ULK4: variants seen among roughly 807,000 people sequenced by gnomAD.
ULK4 encodes the protein unc-51 like kinase 4, also known as inactive serine/threonine-protein kinase ULK4.
A neutral mutation model predicts 160.6 loss-of-function variants in ULK4; 133 were observed. The ratio of observed to expected loss-of-function variants is 0.83; its 90% CI spans 0.72 to 0.96. The LOEUF (loss-of-function observed/expected upper bound fraction) is 0.96, where lower values mean the gene tolerates loss of function less well. ULK4 is among the 40% of genes least tolerant of loss of function. The probability of loss-of-function intolerance (pLI) is 0.00; values close to 1 mark genes in which losing one functional copy is unlikely to be tolerated. For missense variants in ULK4, 1,580 were observed against 1,499.5 expected (o/e 1.05, Z -0.89); for synonymous variants, 534 against 539.8 (o/e 0.99, Z 0.15).
chr3:41,732,830 T>C (rs971477234), intron 22 of ULK4, among the ~76,000 whole-genome samples: 1 of 152,114 alleles, frequency 6.6e-6, no homozygotes, highest in Non-Finnish European at 1.5e-5. Flanking sequence ...ATAACATGAA[T>C]AGAACTGGAG....
chr3:41,539,193 T>A (rs1056184913), intron 32 of ULK4, among the ~76,000 whole-genome samples: 5 of 152,096 alleles, frequency 3.3e-5, no homozygotes, highest in Middle Eastern at 3.2e-3. Context: ...AAGGGTCAAC[T>A]GTATTTTAAG....
At chr3:41,526,361 G>T (rs548982538) in intron 32 of ULK4, among the ~76,000 whole-genome samples, 2 of 152,134 alleles carry the variant, frequency 1.3e-5, no homozygotes, top group Non-Finnish European at 2.9e-5. Flanking sequence ...ATGAGATGGG[G>T]CCTCCATTTG....
chr3:41,601,192 A>C (rs981692198), intron 31 of ULK4, among the ~76,000 whole-genome samples: 1 of 152,168 alleles, frequency 6.6e-6, no homozygotes, highest in Non-Finnish European at 1.5e-5. Context: ...ATTAGGAAGA[A>C]GACAGGGTAA....
At chr3:41,729,158 T>C (rs1237002529) in intron 22 of ULK4, among the ~76,000 whole-genome samples, 1 of 152,142 alleles carries the variant, frequency 6.6e-6, no homozygotes, top group African/African-American at 2.4e-5. Flanking sequence ...ATGACTATAT[T>C]GAGAAGGAAT....
chr3:41,513,547 C>T (rs554518115), intron 32 of ULK4, among the ~76,000 whole-genome samples: 353 of 152,296 alleles, frequency 2.3e-3, no homozygotes, highest in Non-Finnish European at 4.2e-3. Context: ...GCAGGAGAAT[C>T]GTTTGAACCC....
intron 32 of ULK4, among the ~76,000 whole-genome samples, chr3:41,498,481 C>A (rs1197619553): frequency 6.6e-6 from 1 of 152,008 alleles, no homozygotes. Flanking sequence ...ACCAATTAAA[C>A]CCAAAGTAAA....
chr3:41,693,928 A>T (rs2036398344), intron 27 of ULK4, among the ~76,000 whole-genome samples: 1 of 152,206 alleles, frequency 6.6e-6, no homozygotes, highest in Non-Finnish European at 1.5e-5. Context: ...TGGGGAAGGG[A>T]GCTAATCCAA....
intron 30 of ULK4, among the ~76,000 whole-genome samples, chr3:41,627,450 G>T (rs188891691): frequency 6.6e-6 from 1 of 152,172 alleles, no homozygotes; most frequent in African/African-American, 2.4e-5. Context: ...CACAAGAGGC[G>T]TAAGTCCCGA....
rs2080995147 is a variant in ULK4, at chr3:41,354,757, GT to G, written c.3678+43321del. Among the ~76,000 whole-genome samples, 5 of 152,170 alleles carry G rather than the reference GT, an allele frequency of 3.3e-5. No homozygotes were observed. The South Asian group carries it at 1.0e-3, about 31-fold the overall frequency. ...TTTCAAGCAAGCCCACTAAAGCTGT[GT>G]TTACAAGATTATAACTTGTTTTTAC... is the stretch of plus-strand genomic sequence containing the variant. On this transcript the variant is annotated intron_variant, in intron 35 of 36. Coordinates refer to ENST00000301831, the MANE Select transcript of ULK4 (RefSeq NM_017886.4).
intron 33 of ULK4, among the ~76,000 whole-genome samples, chr3:41,456,498 G>C (rs1434433269): frequency 6.6e-6 from 1 of 152,130 alleles, no homozygotes; most frequent in Non-Finnish European, 1.5e-5. Flanking sequence ...TTCAAATACA[G>C]GTAGATATTC....
intron 32 of ULK4, among the ~76,000 whole-genome samples, chr3:41,518,159 G>C (rs539643000): frequency 6.6e-6 from 1 of 152,278 alleles, no homozygotes; most frequent in East Asian, 1.9e-4. Flanking sequence ...AATTTATTCA[G>C]CTATTTATAG....
chr3:41,462,560 C>A (rs943094846), intron 33 of ULK4, among the ~76,000 whole-genome samples: 1 of 152,176 alleles, frequency 6.6e-6, no homozygotes, highest in Non-Finnish European at 1.5e-5. Flanking sequence ...TCCATAGCCA[C>A]TGAATACACC....
At chr3:41,554,484 T>A (rs1171831533) in intron 32 of ULK4, among the ~76,000 whole-genome samples, 1 of 152,156 alleles carries the variant, frequency 6.6e-6, no homozygotes, top group Non-Finnish European at 1.5e-5. Flanking sequence ...TTCTCATTCA[T>A]ATGTGCAATC....
At chr3:41,845,761 T>C (rs1172546048) in intron 17 of ULK4, among the ~76,000 whole-genome samples, 1 of 152,218 alleles carries the variant, frequency 6.6e-6, no homozygotes, top group African/African-American at 2.4e-5. Context: ...ATAGTTTTGA[T>C]ATTTGTCCCC....
chr3:41,300,837 TTATATATATATATATATATATATATA>T (rs66602936), intron 35 of ULK4, among the ~76,000 whole-genome samples: 1,234 of 57,894 alleles, frequency 0.021, 87 homozygotes, highest in African/African-American at 0.047. Context: ...ATTTTACAGA[TTATATATATATATATATATATATATA>T]TATATATATA....
chr3:41,249,405 A>G (rs1330361950), intron 36 of ULK4, 84 bp downstream of exon 36: 3 of 1,262,248 alleles, frequency 2.4e-6, no homozygotes, highest in Non-Finnish European at 2.2e-6. Flanking sequence ...GTGGAGGGAG[A>G]TGAGTGGGAG....
intron 35 of ULK4, among the ~76,000 whole-genome samples, chr3:41,342,204 C>A (rs141740804): frequency 6.6e-6 from 1 of 152,200 alleles, no homozygotes; most frequent in East Asian, 1.9e-4. Context: ...TCATGCATAG[C>A]AACAGGCAAA....
At chr3:41,805,487 C>A (rs1279159739) in intron 19 of ULK4, among the ~76,000 whole-genome samples, 4 of 152,084 alleles carry the variant, frequency 2.6e-5, no homozygotes, top group African/African-American at 9.7e-5. Flanking sequence ...CCTTCTCCTG[C>A]CTGATTGCCC....
chr3:41,606,848 T>C (rs184045373), intron 31 of ULK4, among the ~76,000 whole-genome samples: 7 of 152,278 alleles, frequency 4.6e-5, no homozygotes, highest in Non-Finnish European at 1.0e-4. Context: ...TCCTCGTACA[T>C]TCTGGACATT....
Sources: gnomAD v4.1 joint callset for allele counts (sites outside exome capture counted in the v4.1 genomes callset) on GRCh38, gnomAD v4.1.1 for gene constraint, MANE v1.5 for transcripts, NCBI Gene and HGNC (gene_info 2026-07-23, HGNC 2026-07-21) for gene names.